Variants in SYNE1 observed in about 807,000 individuals in gnomAD.
SYNE1 encodes the protein spectrin repeat containing nuclear envelope protein 1.
In SYNE1, 616 loss-of-function variants were observed where a neutral mutation model predicts 1,111.0. The observed-to-expected ratio is 0.55, with a 90% CI of 0.52 to 0.59. The LOEUF (loss-of-function observed/expected upper bound fraction) is 0.59, where lower values mean the gene tolerates loss of function less well. Ranked by LOEUF, SYNE1 falls within the 20% of genes least tolerant of loss-of-function variation. The pLI is 0.00. For synonymous variants in SYNE1, 3,855 were observed against 3,825.8 expected (o/e 1.01, Z -0.28); for missense variants, 10,006 against 10,417.0 (o/e 0.96, Z 1.72).
chr6:152,466,081 A>T lies in SYNE1; in HGVS notation c.1633-3T>A, dbSNP rs1471007281. ...AACTTGCTATTTTCTATAAAAGACTAGAAAAGGAGGAATGGTTAGAAGATA... is the reference window on the plus strand; with the variant it reads ...AACTTGCTATTTTCTATAAAAGACTTGAAAAGGAGGAATGGTTAGAAGATA... On this transcript the variant is annotated splice_region_variant and splice_polypyrimidine_tract_variant and intron_variant, in intron 16 of 145. Transcript: ENST00000367255. 1 of 1,571,118 alleles carries T rather than the reference A, an allele frequency of 6.4e-7. No individual in the cohort carries two copies.
chr6:152,604,697 T>G (rs1167491917), intron 3 of SYNE1, among the ~76,000 whole-genome samples: 10 of 151,650 alleles, frequency 6.6e-5, no homozygotes, highest in African/African-American at 2.2e-4. Context: ...CCTAGTACTT[T>G]GGGAAGTCAA....
intron 3 of SYNE1, among the ~76,000 whole-genome samples, chr6:152,625,532 T>A (rs1382420399): frequency 6.6e-6 from 1 of 152,218 alleles, no homozygotes; most frequent in Admixed American, 6.5e-5. Context: ...AAGTAATTGA[T>A]ACCAAAGGCT....
intron 3 of SYNE1, among the ~76,000 whole-genome samples, chr6:152,624,103 T>C (rs2099681333): frequency 6.6e-6 from 1 of 152,140 alleles, no homozygotes; most frequent in Admixed American, 6.6e-5. Flanking sequence ...TTATCCTTTT[T>C]TGTTTGTTTG....
chr6:152,277,829 T>G (rs1020126614), intron 98 of SYNE1: 7 of 531,638 alleles, frequency 1.3e-5, no homozygotes, highest in Non-Finnish European at 2.4e-5. Flanking sequence ...CTCTCATTGT[T>G]ACTTTCATGT....
intron 14 of SYNE1, 73 bp downstream of exon 14, chr6:152,483,012 G>A: frequency 1.3e-6 from 2 of 1,563,308 alleles, no homozygotes; most frequent in Non-Finnish European, 8.8e-7. Context: ...GCCAGAGCAG[G>A]TTGTAACTAG....
At chr6:152,326,175 A>T (rs2096062790) in intron 79 of SYNE1, 73 bp from the exon 80 acceptor site, 1 of 1,613,050 alleles carries the variant, frequency 6.2e-7, no homozygotes, top group African/African-American at 1.3e-5. Context: ...TGGTGTCAGT[A>T]TGTCTAATGA....
intron 3 of SYNE1, among the ~76,000 whole-genome samples, chr6:152,550,432 G>C (rs1371246932): frequency 6.6e-6 from 1 of 151,856 alleles, no homozygotes. Context: ...TAATGTATTT[G>C]TCACAATGGT....
chr6:152,586,023 G>A (rs923802134), intron 3 of SYNE1, among the ~76,000 whole-genome samples: 3 of 152,084 alleles, frequency 2.0e-5, no homozygotes, highest in African/African-American at 7.2e-5. Flanking sequence ...TCCAAATGAT[G>A]ACATGAATAT....
In SYNE1 at chr6:152,376,540, G is replaced by A. The variant is rs117020413; in HGVS notation, c.9165C>T (p.Ser3055=). 1.9e-5 allele frequency: 31 copies of A among 1,613,832 alleles called. No homozygotes were observed. Among genetic ancestry groups the A allele is most frequent in the Non-Finnish European group, 2.5e-5 (30 of 1,180,028 alleles). Residue 3055 remains serine, a synonymous_variant, in exon 58 of 146, where the codon TCC becomes TCT. Coordinates refer to ENST00000367255, the MANE Select transcript of SYNE1 (RefSeq NM_182961.4). Reference sequence around the variant, plus strand: ...TCTGTTCTTTATTCTGGCAGCCCTTGGATGCTTGCAAACAAAGACTGAAAA... The same window carrying A: ...TCTGTTCTTTATTCTGGCAGCCCTTAGATGCTTGCAAACAAAGACTGAAAA... ...KEYNCLCLQA[S]KGCQNKEQIL... is the part of the protein sequence containing the mutation.
At chr6:152,626,290 TG>T (rs5880988) in intron 3 of SYNE1, among the ~76,000 whole-genome samples, 53,095 of 151,976 alleles carry the variant, frequency 0.35, 10,676 homozygotes, top group East Asian at 0.63. Context: ...TCAAGATGTA[TG>T]TCATCCAGAG....
At chr6:152,508,734 T>C (rs1594271675) in intron 8 of SYNE1, among the ~76,000 whole-genome samples, 1 of 152,306 alleles carries the variant, frequency 6.6e-6, no homozygotes, top group East Asian at 1.9e-4. Flanking sequence ...GTTCCAGCAA[T>C]GTGGGAAGGG....
chr6:152,325,815 T>A, intron 80 of SYNE1, 143 bp downstream of exon 80: 1 of 1,092,158 alleles, frequency 9.2e-7, no homozygotes, highest in Non-Finnish European at 1.3e-6. Flanking sequence ...TTAATAAACT[T>A]AAAACTTCTA....
At position 152,430,222 on chromosome 6, in the gene SYNE1, G is replaced by T. The variant is rs1472344969; in HGVS notation, c.4690-12C>A. On this transcript the variant is annotated splice_polypyrimidine_tract_variant and intron_variant, in intron 35 of 145. Coordinates refer to ENST00000367255, the MANE Select transcript of SYNE1 (RefSeq NM_182961.4). ...ACAGATTGCTGGATCTAAAACATTG[G>T]TGCAATATAAAAATAACAGTGGGAA... The T allele has an allele frequency of 6.3e-7, 1 of 1,583,154 alleles. No individual in the cohort carries two copies. Among genetic ancestry groups the T allele is most frequent in the Non-Finnish European group, 8.6e-7 (1 of 1,157,552 alleles).
At chr6:152,418,885 C>T (rs529999660) in intron 40 of SYNE1, among the ~76,000 whole-genome samples, 146 of 152,302 alleles carry the variant, frequency 9.6e-4, no homozygotes, top group African/African-American at 3.1e-3. Flanking sequence ...GTTCACAGTG[C>T]ATTTCCTCCC....
At chr6:152,237,277 T>C (rs982888896) in intron 108 of SYNE1, among the ~76,000 whole-genome samples, 4 of 151,448 alleles carry the variant, frequency 2.6e-5, no homozygotes, top group African/African-American at 4.9e-5. Flanking sequence ...TGGAATAATG[T>C]ATGCAGTGTA....
intron 22 of SYNE1, chr6:152,456,754 G>GA (rs2098699107): frequency 2.2e-6 from 1 of 448,878 alleles, no homozygotes; most frequent in Non-Finnish European, 4.5e-6. Flanking sequence ...ACAAGGCAGA[G>GA]GGTCATTTTT....
At chr6:152,533,072 C>T (rs1347273666) in intron 4 of SYNE1, among the ~76,000 whole-genome samples, 3 of 152,160 alleles carry the variant, frequency 2.0e-5, no homozygotes, top group African/African-American at 7.2e-5. Flanking sequence ...TAATGTCCAA[C>T]AGGTTTTGTC....
intron 90 of SYNE1, 104 bp from the exon 91 acceptor site, chr6:152,308,736 GAATAAAGA>G (rs1733354455): frequency 8.0e-7 from 1 of 1,245,200 alleles, no homozygotes; most frequent in Admixed American, 2.5e-5. Flanking sequence ...TACAGGTAGG[GAATAAAGA>G]AATGATGGGT....
intron 38 of SYNE1, 90 bp from the exon 39 acceptor site, chr6:152,425,637 G>A (rs376614777): frequency 1.9e-5 from 28 of 1,474,108 alleles, no homozygotes; most frequent in South Asian, 5.7e-5. Flanking sequence ...CAAAGGATTC[G>A]CATTCTTGCA....
Sources: gnomAD v4.1 joint callset for allele counts (sites outside exome capture counted in the v4.1 genomes callset) on GRCh38, gnomAD v4.1.1 for gene constraint, MANE v1.5 for transcripts, NCBI Gene and HGNC (gene_info 2026-07-23, HGNC 2026-07-21) for gene names.